Variants in LMBR1 observed in about 807,000 individuals in gnomAD.
The protein encoded by LMBR1 is limb development membrane protein 1, also known as limb region 1 protein homolog.
In LMBR1, 52 loss-of-function variants were observed where a neutral mutation model predicts 73.9. The ratio of observed to expected loss-of-function variants is 0.70; its 90% CI spans 0.56 to 0.89. The LOEUF (loss-of-function observed/expected upper bound fraction) is 0.89. Ranked by LOEUF, LMBR1 falls within the 40% of genes least tolerant of loss-of-function variation. The pLI is 0.00. For missense variants in LMBR1, 539 were observed against 579.8 expected (o/e 0.93, Z 0.72); for synonymous variants, 215 against 209.4 (o/e 1.03, Z -0.23).
chr7:156,883,044 A>T (rs73167950), intron 1 of LMBR1, among the ~76,000 whole-genome samples: 5,993 of 142,364 alleles, frequency 0.042, 170 homozygotes, highest in Admixed American at 0.052. Flanking sequence ...GAAAAAAAAA[A>T]TTTTTTGTTA....
chr7:156,883,702 T>C (rs1020876398), intron 1 of LMBR1, among the ~76,000 whole-genome samples: 4 of 152,110 alleles, frequency 2.6e-5, no homozygotes, highest in Admixed American at 2.6e-4. Context: ...TTCCTTGACG[T>C]TTCTAGCTTC....
chr7:156,752,300 A>G lies in LMBR1; in HGVS notation c.757+4093T>C, dbSNP rs79467718. Among the ~76,000 whole-genome samples, 451 of 152,312 alleles carry G rather than the reference A, an allele frequency of 3.0e-3. 2 individuals carry two copies. The highest frequency in any genetic ancestry group is 0.01 in the African/African-American group (422 of 41,570). ...GAGCTTTGCCATAAAGACCAAAGGAATGGGTGGTGACCTGGAGGGGATATG... is the reference window on the plus strand; with the variant it reads ...GAGCTTTGCCATAAAGACCAAAGGAGTGGGTGGTGACCTGGAGGGGATATG... On this transcript the variant is annotated intron_variant, in intron 9 of 16. Coordinates refer to ENST00000353442, the MANE Select transcript of LMBR1 (RefSeq NM_022458.4).
intron 15 of LMBR1, among the ~76,000 whole-genome samples, chr7:156,713,614 T>C (rs1223671955): frequency 1.3e-5 from 2 of 151,666 alleles, no homozygotes; most frequent in Non-Finnish European, 2.9e-5. Context: ...GAGCTGATGG[T>C]GGATAGGGGA....
intron 1 of LMBR1, among the ~76,000 whole-genome samples, chr7:156,879,656 T>A (rs532410223): frequency 1.1e-3 from 128 of 117,994 alleles, no homozygotes; most frequent in African/African-American, 3.1e-3. Flanking sequence ...AGAGCGAGAC[T>A]CTGTCTCAAA....
chr7:156,740,378 T>C (rs187722624), intron 9 of LMBR1, among the ~76,000 whole-genome samples: 7 of 152,182 alleles, frequency 4.6e-5, no homozygotes, highest in African/African-American at 1.7e-4. Flanking sequence ...TACAGAAAGA[T>C]ATCAACATTT....
At chr7:156,797,079 C>A (rs1830168910) in intron 4 of LMBR1, among the ~76,000 whole-genome samples, 1 of 152,152 alleles carries the variant, frequency 6.6e-6, no homozygotes, top group Non-Finnish European at 1.5e-5. Flanking sequence ...AGCTGTAGAG[C>A]ATCCAAGTGG....
chr7:156,870,815 G>C (rs375336722), intron 1 of LMBR1, among the ~76,000 whole-genome samples: 2 of 151,358 alleles, frequency 1.3e-5, no homozygotes, highest in African/African-American at 4.8e-5. Context: ...AAACTTATGG[G>C]ATGAAACAAA....
intron 4 of LMBR1, among the ~76,000 whole-genome samples, chr7:156,802,032 G>C (rs769913840): frequency 1.7e-4 from 26 of 152,088 alleles, no homozygotes; most frequent in Non-Finnish European, 3.4e-4. Flanking sequence ...GCCCAGGCTG[G>C]AGTGCAATGG....
chr7:156,778,276 C>G (rs1175144022), intron 5 of LMBR1, among the ~76,000 whole-genome samples: 1 of 151,734 alleles, frequency 6.6e-6, no homozygotes. Flanking sequence ...ATCAACAATA[C>G]TAATAGAAAA....
In LMBR1 at chr7:156,681,756, G is replaced by C. The variant is rs1415748290; in HGVS notation, c.*2322C>G. ...GAGCATCTGCAGCTCTGCCTTCCAG[G>C]GTCTATCTCCTCTCTTTCACTGGCG... On this transcript the variant is annotated 3_prime_UTR_variant, in exon 17 of 17. Transcript: ENST00000353442. The C allele has an allele frequency of 6.6e-6, 1 of 152,240 alleles. No homozygotes were observed. Among genetic ancestry groups the C allele is most frequent in the African/African-American group, 2.4e-5 (1 of 41,452 alleles). The allele number at this position is 152,240 out of a possible 1,614,324, so 9.4% of individuals were successfully genotyped here. A position where few individuals can be genotyped will look rare whatever the true frequency, so the allele number is the denominator to read the frequency against.
chr7:156,850,789 C>G (rs915082581), intron 1 of LMBR1, among the ~76,000 whole-genome samples: 1 of 152,100 alleles, frequency 6.6e-6, no homozygotes, highest in African/African-American at 2.4e-5. Context: ...AACAAATCAC[C>G]CTTTGAAATG....
chr7:156,701,273 T>C (rs1809615194), intron 15 of LMBR1, among the ~76,000 whole-genome samples: 2 of 152,230 alleles, frequency 1.3e-5, no homozygotes, highest in South Asian at 4.1e-4. Context: ...TTATTTGCAA[T>C]ACCCAAAAGT....
chr7:156,889,602 G>T (rs1802542844), intron 1 of LMBR1, among the ~76,000 whole-genome samples: 1 of 152,152 alleles, frequency 6.6e-6, no homozygotes, highest in Non-Finnish European at 1.5e-5. Flanking sequence ...CAGGGGTACT[G>T]GGTTGAGGGA....
chr7:156,869,165 A>G (rs948837737), intron 1 of LMBR1, among the ~76,000 whole-genome samples: 1 of 152,116 alleles, frequency 6.6e-6, no homozygotes, highest in Non-Finnish European at 1.5e-5. Context: ...TCTCATGTCT[A>G]TTTTTCCCAT....
At chr7:156,784,342 A>G (rs567053661) in intron 5 of LMBR1, among the ~76,000 whole-genome samples, 53 of 152,272 alleles carry the variant, frequency 3.5e-4, no homozygotes, top group African/African-American at 1.0e-3. Flanking sequence ...CTCTGATGAT[A>G]CTGAATTTAG....
intron 8 of LMBR1, among the ~76,000 whole-genome samples, chr7:156,757,480 T>C (rs1323624362): frequency 6.6e-6 from 1 of 152,240 alleles, no homozygotes; most frequent in African/African-American, 2.4e-5. Context: ...ACCAATTGTA[T>C]GGGATATTGT....
downstream of LMBR1, among the ~76,000 whole-genome samples, chr7:156,673,919 A>AAAG (rs142719709): frequency 5.2e-4 from 78 of 150,178 alleles, no homozygotes; most frequent in African/African-American, 1.1e-3. Flanking sequence ...AAAAAAAAAA[A>AAAG]AAAGAAAAAG....
intron 5 of LMBR1, among the ~76,000 whole-genome samples, chr7:156,764,039 C>A (rs1823634180): frequency 1.3e-5 from 2 of 152,142 alleles, no homozygotes; most frequent in Non-Finnish European, 2.9e-5. Context: ...ATCTGCAGAG[C>A]CATTTTTAAC....
downstream of LMBR1, chr7:156,676,756 T>C (rs917848713): frequency 2.4e-6 from 2 of 827,956 alleles, no homozygotes; most frequent in African/African-American, 3.4e-5. Flanking sequence ...ATGTAATCTG[T>C]TTCCCAGGGA....
Sources: allele counts gnomAD v4.1 joint callset (sites outside exome capture counted in the v4.1 genomes callset), GRCh38; gene constraint gnomAD v4.1.1; transcripts MANE v1.5; gene names NCBI Gene and HGNC (gene_info 2026-07-23, HGNC 2026-07-21).